GSTO2: variants seen among roughly 807,000 people sequenced by gnomAD.
GSTO2 encodes the protein glutathione S-transferase omega-2.
In GSTO2, 23 loss-of-function variants were observed where a neutral mutation model predicts 28.4. The observed-to-expected ratio is 0.81, with a 90% confidence interval of 0.58 to 1.15. The LOEUF (loss-of-function observed/expected upper bound fraction) is 1.15, where lower values mean the gene tolerates loss of function less well. GSTO2 is among the 50% of genes most tolerant of loss of function. The pLI is 0.00. For synonymous variants in GSTO2, 109 were observed against 111.0 expected, an observed-to-expected ratio of 0.98 and a Z score of 0.11; for missense variants, 298 against 297.8, an observed-to-expected ratio of 1.00 and a Z score of 0.00.
chr10:104,277,943 A>G lies in GSTO2; in HGVS notation c.193A>G (p.Thr65Ala), dbSNP rs1300142026. The part of the protein sequence containing the change: ...NLRNKPEWYY[T>A]KHPFGHIPVL... The stretch of plus-strand genomic sequence containing the variant: ...GAGAAACAAGCCTGAATGGTACTAT[A>G]CAAAGCACCCTTTTGGCCACATTCC... Residue 65 changes from threonine to alanine, a missense_variant, in exon 4 of 7, where the codon ACA becomes GCA. Coordinates refer to ENST00000338595, the MANE Select transcript of GSTO2 (RefSeq NM_183239.2). The G allele has an allele frequency of 1.2e-6, 2 of 1,614,036 alleles. No individual in the cohort carries two copies. The highest frequency in any genetic ancestry group is 2.2e-5 in the South Asian group (2 of 91,078).
rs184604211 is a variant in GSTO2 at position 104,277,840 on chromosome 10, G to A, written c.144-54G>A. 5 of 1,184,546 alleles carry A rather than the reference G, an allele frequency of 4.2e-6. No homozygotes were observed. In the East Asian group the frequency reaches 7.0e-5, roughly 17 times the overall value. The allele number at this position is 1,184,546 out of a possible 1,614,324, so 73.4% of individuals were successfully genotyped here. ...GCTTCTGCTTTCAAGAAGAGTGCCT[G>A]CCTGCAGATGCCTCTCATTTTTGTT... is the stretch of plus-strand genomic sequence containing the variant. On this transcript the variant is annotated intron_variant, in intron 3 of 6. Coordinates refer to ENST00000338595, the MANE Select transcript of GSTO2 (RefSeq NM_183239.2).
At chr10:104,286,045 C>A (rs2012403029) in intron 5 of GSTO2, 2 of 255,124 alleles carry the variant, frequency 7.8e-6, no homozygotes, top group South Asian at 3.5e-5. Context: ...TCTAAGTTAA[C>A]ATGTCTATAA....
chr10:104,269,671 C>T (rs35416185), intron 1 of GSTO2, among the ~76,000 whole-genome samples: 4,416 of 152,300 alleles, frequency 0.029, 95 homozygotes, highest in South Asian at 0.11. Flanking sequence ...TTTGTGAAAA[C>T]TGTGAAAAGT....
Position 104,299,151 on chromosome 10 carries a change from T to C in GSTO2, c.599T>C (p.Leu200Pro), listed in dbSNP as rs766483738. The part of the protein sequence containing the change: ...ILDCVSHTPA[L>P]RLWISAMKWD... Reference sequence around the variant, plus strand: ...AGCTGTGTGAGCCACACGCCAGCCCTGCGGCTCTGGATATCAGCCATGAAG... The same window carrying C: ...AGCTGTGTGAGCCACACGCCAGCCCCGCGGCTCTGGATATCAGCCATGAAG... The change falls in exon 7 of 7, where the codon CTG (leucine) becomes CCG (proline). Residue 200 changes from leucine to proline, a missense_variant. Physicochemically the swap from Leu to Pro is moderately conservative, Grantham distance 98. Transcript: ENST00000338595. 6 of 1,613,992 alleles carry C rather than the reference T, an allele frequency of 3.7e-6. No individual in the cohort carries two copies. The highest frequency in any genetic ancestry group is 5.1e-6 in the Non-Finnish European group (6 of 1,179,998).
Position 104,275,333 on chromosome 10 carries a change from A to C in GSTO2, c.142A>C (p.Arg48=). The change falls in exon 3 of 7, where the codon AGA becomes CGA. Residue 48 remains arginine, a splice_region_variant and synonymous_variant. Transcript: ENST00000338595. The stretch of plus-strand genomic sequence containing the variant: ...CCTCGTCCTCAAGGCCAAAGACATC[A>C]GGTGAGAAGCGGGAACCCAGAGCCC... ...TRLVLKAKDI[R]HEVVNINLRN... The C allele has an allele frequency of 6.2e-7, 1 of 1,613,582 alleles. No homozygotes were observed.
Position 104,274,966 on chromosome 10 carries a change from G to A in GSTO2, c.34+17G>A. 1 of 1,575,202 alleles carries A rather than the reference G, an allele frequency of 6.3e-7. No individual in the cohort carries two copies. Among genetic ancestry groups the A allele is most frequent in the South Asian group, 1.2e-5 (1 of 85,532 alleles). ...TGGGGAAAGGTGAGTGCTCTCCATG[G>A]GGTCCGCGAGCTGGGGGCGCCGCGT... On this transcript the variant is annotated intron_variant, in intron 2 of 6. Coordinates refer to ENST00000338595, the MANE Select transcript of GSTO2 (RefSeq NM_183239.2).
chr10:104,274,133 T>C (rs1370464964), intron 1 of GSTO2, among the ~76,000 whole-genome samples: 1 of 152,212 alleles, frequency 6.6e-6, no homozygotes, highest in Non-Finnish European at 1.5e-5. Flanking sequence ...CCTTGGCAAC[T>C]AGTAAGAGTG....
intron 5 of GSTO2, among the ~76,000 whole-genome samples, chr10:104,289,676 G>A (rs1564850540): frequency 6.6e-6 from 1 of 152,156 alleles, no homozygotes; most frequent in Non-Finnish European, 1.5e-5. Context: ...GGTTAGCTCA[G>A]CCTCAGCTAT....
Position 104,299,185 on chromosome 10 carries a change from CA to C in GSTO2, c.634del (p.Thr212GlnfsTer16). ...LWISAMKWDP[T>X]VCALLMDKSI... ...GGATATCAGCCATGAAGTGGGACCC[CA>C]CAGTCTGTGCTCTTCTCATGGATAA... On this transcript the variant is annotated frameshift_variant, in exon 7 of 7. Transcript: ENST00000338595. LOFTEE classifies it high-confidence loss of function. The C allele has an allele frequency of 6.2e-7, 1 of 1,614,218 alleles. No individual in the cohort carries two copies. Among genetic ancestry groups the C allele is most frequent in the Non-Finnish European group, 8.5e-7 (1 of 1,180,038 alleles).
chr10:104,290,807 T>C (rs2012729473), intron 5 of GSTO2, among the ~76,000 whole-genome samples: 1 of 152,102 alleles, frequency 6.6e-6, no homozygotes, highest in African/African-American at 2.4e-5. Context: ...ACAGAAAGAA[T>C]GAATAAGACC....
intron 4 of GSTO2, 128 bp downstream of exon 4, chr10:104,278,244 A>T: frequency 2.9e-6 from 2 of 694,178 alleles, no homozygotes; most frequent in Non-Finnish European, 5.0e-6. Flanking sequence ...TCCTCAGGAG[A>T]TTAGCTAGCA....
Position 104,274,788 on chromosome 10 carries a change from T to C in GSTO2, c.-128T>C, listed in dbSNP as rs777693780. The C allele has an allele frequency of 1.2e-4, 145 of 1,180,410 alleles. No homozygotes were observed. The highest frequency in any genetic ancestry group is 1.6e-4 in the Non-Finnish European group (133 of 815,930). 73.1% of individuals were successfully genotyped at this position (1,180,410 alleles called of 1,614,324 possible). On this transcript the variant is annotated 5_prime_UTR_variant, in exon 2 of 7. Coordinates refer to ENST00000338595, the MANE Select transcript of GSTO2 (RefSeq NM_183239.2). Reference sequence around the variant, plus strand: ...CCCGTGCCCCGCCAGAGCCCAGTAGTTCAAAAATTAAATTTGGGGCAAGGG... The same window carrying C: ...CCCGTGCCCCGCCAGAGCCCAGTAGCTCAAAAATTAAATTTGGGGCAAGGG...
At chr10:104,295,425 G>A (rs949455062) in intron 5 of GSTO2, 2 of 152,244 alleles carry the variant, frequency 1.3e-5, no homozygotes, top group Non-Finnish European at 2.9e-5. Context: ...AGAAGGGGTG[G>A]CAGGTGGAGG....
Position 104,275,234 on chromosome 10 carries a change from C to G in GSTO2, c.43C>G (p.Pro15Ala). ...CCATCGCTGCTCTGCAGGAAGCCAG[C>G]CCCCAGGGCCAGTCCCGGAGGGGCT... ...ATRTLGKGSQPPGPVPEGLIR... is the reference protein window; with the variant it reads ...ATRTLGKGSQAPGPVPEGLIR... The change falls in exon 3 of 7, where the codon CCC becomes GCC. Residue 15 changes from proline (P) to alanine (A), a missense_variant. Pro to Ala is a conservative substitution (Grantham distance 27). Transcript: ENST00000338595. The G allele has an allele frequency of 6.2e-7, 1 of 1,612,476 alleles. No homozygotes were observed. Among genetic ancestry groups the G allele is most frequent in the Non-Finnish European group, 8.5e-7 (1 of 1,179,208 alleles).
At chr10:104,276,872 A>G (rs747026386) in intron 3 of GSTO2, among the ~76,000 whole-genome samples, 2 of 152,206 alleles carry the variant, frequency 1.3e-5, no homozygotes, top group Non-Finnish European at 2.9e-5. Context: ...TGGTAACTAT[A>G]TAGTTATCTA....
chr10:104,281,607 G>A (rs1466585128), intron 5 of GSTO2, among the ~76,000 whole-genome samples: 1 of 152,180 alleles, frequency 6.6e-6, no homozygotes, highest in Non-Finnish European at 1.5e-5. Context: ...GCCATGAATC[G>A]TGCTGCAGAT....
chr10:104,297,754 C>T, intron 6 of GSTO2, 70 bp downstream of exon 6: 1 of 1,035,774 alleles, frequency 9.7e-7, no homozygotes, highest in Admixed American at 1.8e-5. Flanking sequence ...AGATGGTCTG[C>T]ATGCCCCCTG....
chr10:104,283,196 C>T (rs2012189919), intron 5 of GSTO2, among the ~76,000 whole-genome samples: 1 of 152,182 alleles, frequency 6.6e-6, no homozygotes, highest in Non-Finnish European at 1.5e-5. Context: ...TGTTGTTAAC[C>T]AGCCTCTATA....
chr10:104,279,507 T>A (rs770222487), intron 5 of GSTO2, 36 bp downstream of exon 5: 1 of 1,456,552 alleles, frequency 6.9e-7, no homozygotes, highest in Admixed American at 1.7e-5. Context: ...TCAGCTACAG[T>A]GGAGGAAGCT....
Sources: gnomAD v4.1 joint callset for allele counts (sites outside exome capture counted in the v4.1 genomes callset) on GRCh38, gnomAD v4.1.1 for gene constraint, MANE v1.5 for transcripts, NCBI Gene and HGNC (gene_info 2026-07-23, HGNC 2026-07-21) for gene names.